NPEPL1: variants seen among roughly 807,000 people sequenced by gnomAD.
The protein encoded by NPEPL1 is aminopeptidase like 1.
Under a neutral mutation model 52.4 loss-of-function variants are expected in NPEPL1, and 45 were observed. The ratio of observed to expected loss-of-function variants is 0.86; its 90% CI spans 0.68 to 1.10. The LOEUF is 1.10. NPEPL1 is among the 50% of genes least tolerant of loss of function. The probability of loss-of-function intolerance (pLI) is 0.00; values close to 1 mark genes in which losing one functional copy is unlikely to be tolerated. For synonymous variants in NPEPL1, 360 were observed against 314.7 expected (o/e 1.14, Z -1.52); for missense variants, 696 against 710.9 (o/e 0.98, Z 0.24).
In NPEPL1 at chr20:58,692,885, G is replaced by C; in HGVS notation, c.-16G>C. ...GGGCCGGGCCGGGCAGGGCCGGGGC[G>C]TGGGCCGGCAGGAAGATGGCGAACG... is the stretch of plus-strand genomic sequence containing the variant. On this transcript the variant is annotated 5_prime_UTR_variant, in exon 1 of 12. Transcript: ENST00000356091. This position sits in a 1 kb window ranked among gnomAD's most constrained non-coding sequence, Gnocchi z 5.7. 1.9e-6 allele frequency: 2 copies of C among 1,035,360 alleles called. No individual in the cohort carries two copies. Among genetic ancestry groups the C allele is most frequent in the South Asian group, 7.3e-5 (2 of 27,276 alleles). The allele number at this position is 1,035,360 out of a possible 1,614,324, so 64.1% of individuals were successfully genotyped here. A position where few individuals can be genotyped will look rare whatever the true frequency, so the allele number is the denominator to read the frequency against.
At chr20:58,705,012 T>C (rs2084710199) in intron 6 of NPEPL1, among the ~76,000 whole-genome samples, 1 of 152,220 alleles carries the variant, frequency 6.6e-6, no homozygotes, top group South Asian at 2.1e-4. Context: ...CATTACATTA[T>C]ATAGTATCAA....
intron 3 of NPEPL1, among the ~76,000 whole-genome samples, chr20:58,696,014 C>T (rs933774400): frequency 2.6e-5 from 4 of 152,174 alleles, no homozygotes; most frequent in Non-Finnish European, 2.9e-5. Flanking sequence ...CAGCCCTCTC[C>T]GGGTCAGACA....
At chr20:58,714,147 C>T (rs1230683101) in intron 10 of NPEPL1, 54 bp downstream of exon 10, 19 of 1,501,122 alleles carry the variant, frequency 1.3e-5, no homozygotes, top group Middle Eastern at 2.3e-4. Context: ...GCCGGGCAGG[C>T]GGAGCCCTGC....
intron 3 of NPEPL1, among the ~76,000 whole-genome samples, chr20:58,695,574 C>T (rs557810626): frequency 7.9e-5 from 12 of 152,250 alleles, no homozygotes; most frequent in African/African-American, 2.6e-4. Context: ...CATGTGTCAG[C>T]GCTCATTCTT....
chr20:58,715,366 T>C lies in NPEPL1; in HGVS notation c.*40T>C, dbSNP rs1389352671. ...CCCTGACAAACGGGGATCTTTTACC[T>C]CACTTTGCACTGATTAATTTTAAGC... On this transcript the variant is annotated 3_prime_UTR_variant, in exon 12 of 12. Coordinates refer to ENST00000356091, the MANE Select transcript of NPEPL1 (RefSeq NM_024663.4). 7 of 1,564,384 alleles carry C rather than the reference T, an allele frequency of 4.5e-6. No individual in the cohort carries two copies. Among genetic ancestry groups the C allele is most frequent in the Non-Finnish European group, 6.1e-6 (7 of 1,154,590 alleles).
In NPEPL1 at chr20:58,698,738, C is replaced by G. The variant is rs1370816719; in HGVS notation, c.562C>G (p.Pro188Ala). 6.2e-7 allele frequency: 1 copy of G among 1,612,960 alleles called. No individual in the cohort carries two copies. The highest frequency in any genetic ancestry group is 1.7e-5 in the Admixed American group (1 of 60,000). ...GCTAGCAGCCCGCATCGTGGACACA[C>G]CCTGCAATGAGATGAACACCGACAC... is the stretch of plus-strand genomic sequence containing the variant. Reference protein sequence around the residue: ...VRLAARIVDTPCNEMNTDTFL... With the variant: ...VRLAARIVDTACNEMNTDTFL... Residue 188 changes from proline (P) to alanine (A), a missense_variant, in exon 4 of 12, where the codon CCC becomes GCC. Transcript: ENST00000356091.
chr20:58,691,101 A>C (rs1314700929), upstream of NPEPL1: 2 of 703,138 alleles, frequency 2.8e-6, no homozygotes, highest in Non-Finnish European at 5.2e-6. Context: ...TACATCTGTC[A>C]GGGCATGGCC....
chr20:58,700,813 T>C (rs2084598872), intron 5 of NPEPL1, among the ~76,000 whole-genome samples: 1 of 152,232 alleles, frequency 6.6e-6, no homozygotes, highest in South Asian at 2.1e-4. Flanking sequence ...GCATAGAATT[T>C]GTTTGCAATC....
At chr20:58,707,269 TG>T in intron 7 of NPEPL1, 69 bp downstream of exon 7, 5 of 1,360,906 alleles carry the variant, frequency 3.7e-6, no homozygotes, top group Non-Finnish European at 5.0e-6. Context: ...CCCTCTCCCC[TG>T]TCCGTCCCGC....
chr20:58,707,539 G>A (rs1045757367), intron 7 of NPEPL1, among the ~76,000 whole-genome samples: 2 of 152,226 alleles, frequency 1.3e-5, no homozygotes, highest in African/African-American at 2.4e-5. Flanking sequence ...AGGGGCACAC[G>A]TTGTTCTGCG....
chr20:58,698,608 T>G (rs41296215), intron 3 of NPEPL1, 76 bp from the exon 4 acceptor site: 141,652 of 1,229,754 alleles, frequency 0.12, 8,701 homozygotes, highest in Middle Eastern at 0.15. Context: ...TCTGCTGCCT[T>G]TTGTTCCTGG....
At chr20:58,693,552 C>G in intron 1 of NPEPL1, 185 bp from the exon 2 acceptor site, 2 of 549,664 alleles carry the variant, frequency 3.6e-6, no homozygotes, top group East Asian at 6.4e-5. Flanking sequence ...GCGAGCCAGC[C>G]TAGAGACAGT....
chr20:58,693,088 G>A (rs2084387916), intron 1 of NPEPL1, 38 bp downstream of exon 1: 1 of 998,644 alleles, frequency 1.0e-6, no homozygotes, highest in Non-Finnish European at 1.2e-6. Context: ...CCCGCGCCGC[G>A]GAAGCCCAGG....
upstream of NPEPL1, chr20:58,692,605 G>C (rs1243762537): frequency 6.4e-6 from 1 of 156,870 alleles, no homozygotes; most frequent in Non-Finnish European, 1.3e-5. The surrounding 1 kb of genome is among the most constrained non-coding windows in gnomAD (Gnocchi z 5.7). Flanking sequence ...GCCCAGGGGC[G>C]GCGCCGCTGG....
At chr20:58,712,904 T>G in intron 8 of NPEPL1, 1 of 413,054 alleles carries the variant, frequency 2.4e-6, no homozygotes, top group Non-Finnish European at 4.6e-6. Context: ...GACCCCCAGA[T>G]TCCCTGCTCG....
intron 7 of NPEPL1, chr20:58,711,396 T>A (rs1351026295): frequency 6.6e-6 from 1 of 152,496 alleles, no homozygotes; most frequent in Non-Finnish European, 1.5e-5. Context: ...CTGGGGTATC[T>A]GGGGAGGAGC....
upstream of NPEPL1, chr20:58,690,973 G>A (rs983982226): frequency 6.4e-6 from 4 of 626,406 alleles, no homozygotes; most frequent in African/African-American, 7.2e-5. Flanking sequence ...GGAACCTTCT[G>A]TTCTAACCAC....
chr20:58,696,482 A>G (rs2084494406), intron 3 of NPEPL1, among the ~76,000 whole-genome samples: 1 of 152,242 alleles, frequency 6.6e-6, no homozygotes, highest in Non-Finnish European at 1.5e-5. Context: ...ACCCGACCCC[A>G]CACATGAAAA....
intron 7 of NPEPL1, among the ~76,000 whole-genome samples, chr20:58,708,717 T>G (rs1036661875): frequency 6.6e-6 from 1 of 152,152 alleles, no homozygotes; most frequent in African/African-American, 2.4e-5. Flanking sequence ...TCCCACTACC[T>G]GGCCCTCCTC....
Sources: gnomAD v4.1 joint callset for allele counts (sites outside exome capture counted in the v4.1 genomes callset) on GRCh38, gnomAD v4.1.1 for gene constraint, Gnocchi (gnomAD v3.1) non-coding constraint, MANE v1.5 for transcripts, NCBI Gene and HGNC (gene_info 2026-07-23, HGNC 2026-07-21) for gene names.